RIF1: variants seen among roughly 807,000 people sequenced by gnomAD.
The protein encoded by RIF1 is replication timing regulatory factor 1.
A neutral mutation model predicts 247.1 loss-of-function variants in RIF1; 45 were observed. That is an observed-to-expected ratio of 0.18 (90% CI 0.14 to 0.23). The LOEUF (loss-of-function observed/expected upper bound fraction) is 0.23. Ranked by LOEUF, RIF1 falls within the 10% of genes least tolerant of loss-of-function variation. The probability of loss-of-function intolerance (pLI) is 1.00; values close to 1 mark genes in which losing one functional copy is unlikely to be tolerated. For missense variants in RIF1, 2,967 were observed against 2,862.5 expected, an observed-to-expected ratio of 1.04 and a Z score of -0.83; for synonymous variants, 1,087 against 978.8, an observed-to-expected ratio of 1.11 and a Z score of -2.06.
chr2:151,483,835 G>A (rs1161267869), downstream of RIF1, among the ~76,000 whole-genome samples: 2 of 152,036 alleles, frequency 1.3e-5, no homozygotes, highest in Admixed American at 1.3e-4. Flanking sequence ...TTCATGAACT[G>A]CACATGCGAG....
chr2:151,494,429 A>T (rs556377694), intron 9 of RIF1, among the ~76,000 whole-genome samples: 1 of 152,180 alleles, frequency 6.6e-6, no homozygotes, highest in Non-Finnish European at 1.5e-5. Flanking sequence ...ACAGCAAGAC[A>T]CAACCAGGAT....
Position 151,445,321 on chromosome 2 carries a change from T to A in RIF1, c.1987-17T>A. 1 of 1,380,728 alleles carries A rather than the reference T, an allele frequency of 7.2e-7. No homozygotes were observed. Among genetic ancestry groups the A allele is most frequent in the South Asian group, 1.2e-5 (1 of 86,238 alleles). 85.5% of individuals were successfully genotyped at this position (1,380,728 alleles called of 1,614,324 possible). ...AAGATGGTAATTTGTCTAACTTCAT[T>A]ATTTTTCTTGTTTTAGACCAATGAA... is the stretch of plus-strand genomic sequence containing the variant. On this transcript the variant is annotated splice_polypyrimidine_tract_variant and intron_variant, in intron 18 of 35. Transcript: ENST00000444746.
At chr2:151,514,902 C>T in the RIF1 span, 1 of 1,577,582 alleles carries the variant, frequency 6.3e-7, no homozygotes. Flanking sequence ...CTTTAATGGA[C>T]TCTTCATAAT....
chr2:151,425,984 T>C (rs1007534086), intron 8 of RIF1, among the ~76,000 whole-genome samples: 3 of 151,360 alleles, frequency 2.0e-5, no homozygotes, highest in East Asian at 3.9e-4. Context: ...TGGCCTGTGG[T>C]ACCCTTTTGA....
chr2:151,437,418 C>T (rs1691438141), intron 13 of RIF1, 67 bp downstream of exon 13: 2 of 1,184,298 alleles, frequency 1.7e-6, no homozygotes, highest in Non-Finnish European at 2.5e-6. Flanking sequence ...AGGCCAGTCA[C>T]AGTACCTCAC....
Position 151,468,117 on chromosome 2 carries a change from G to A in RIF1, c.6718G>A (p.Val2240Ile), listed in dbSNP as rs1224717115. 3 of 1,613,066 alleles carry A rather than the reference G, an allele frequency of 1.9e-6. No individual in the cohort carries two copies. The highest frequency in any genetic ancestry group is 2.5e-6 in the Non-Finnish European group (3 of 1,179,464). ...SSNSSPIGKS[V>I]KTSPTTQSKH... ...CAATAGTTCTCCCATAGGAAAAAGT[G>A]TTAAAACTTCTCCTACTACACAATC... Residue 2240 changes from valine (V) to isoleucine (I), a missense_variant, in exon 31 of 36, where the codon GTT (valine) becomes ATT (isoleucine). By Grantham distance (29) the Val-to-Ile change is conservative (BLOSUM62 3). Around this residue, in one of 7 missense-constraint regions of RIF1, gnomAD observed 2,028 missense variants for 1,825.6 expected, o/e 1.11. Coordinates refer to ENST00000444746, the MANE Select transcript of RIF1 (RefSeq NM_018151.5).
intron 4 of RIF1, among the ~76,000 whole-genome samples, chr2:151,415,477 C>G (rs546058734): frequency 6.8e-6 from 1 of 147,738 alleles, no homozygotes; most frequent in African/African-American, 2.5e-5. Context: ...GCCTGTAGTC[C>G]CATCTGCTGG....
chr2:151,493,115 T>C (rs549777377), intron 9 of RIF1: 1 of 445,034 alleles, frequency 2.2e-6, no homozygotes, highest in South Asian at 3.3e-5. Context: ...ATTAACTTGT[T>C]ATGTTTAGTA....
chr2:151,411,394 T>TG lies in RIF1; in HGVS notation c.183+58dup. The TG allele has an allele frequency of 3.2e-6, 4 of 1,230,872 alleles. No homozygotes were observed. In the South Asian group the frequency reaches 5.3e-5, roughly 16 times the overall value. The allele number at this position is 1,230,872 out of a possible 1,614,324, so 76.2% of individuals were successfully genotyped here. On this transcript the variant is annotated intron_variant, in intron 3 of 35. Coordinates refer to ENST00000444746, the MANE Select transcript of RIF1 (RefSeq NM_018151.5). ...CTTTTGGTAGTTTGGTTTTTTTTTTTGGTTTTGTTTTTTTGTTTTGAGGTG... is the reference window on the plus strand; with the variant it reads ...CTTTTGGTAGTTTGGTTTTTTTTTTTGGGTTTTGTTTTTTTGTTTTGAGGTG...
rs1697347270 is a variant in RIF1 at position 151,468,775 on chromosome 2, T to TG, written c.6941+19_6941+20insG. 2 of 1,516,422 alleles carry TG rather than the reference T, an allele frequency of 1.3e-6. No individual in the cohort carries two copies. Among genetic ancestry groups the TG allele is most frequent in the Admixed American group, 3.3e-5 (2 of 59,736 alleles). 93.9% of individuals were successfully genotyped at this position (1,516,422 alleles called of 1,614,324 possible). ...ACATGTGGTAAGTGGTTATTTAGGCTTCTTGCTTATATTCCAAGATGCCAC... is the reference window on the plus strand; with the variant it reads ...ACATGTGGTAAGTGGTTATTTAGGCTGTCTTGCTTATATTCCAAGATGCCAC... On this transcript the variant is annotated intron_variant, in intron 33 of 35. Transcript: ENST00000444746.
In RIF1 at chr2:151,465,387, C is replaced by T; in HGVS notation, c.5867C>T (p.Thr1956Ile). The T allele has an allele frequency of 6.2e-7, 1 of 1,613,724 alleles. No individual in the cohort carries two copies. The highest frequency in any genetic ancestry group is 8.5e-7 in the Non-Finnish European group (1 of 1,179,828). ...AGAAATGATGACTCTGAAGCAGACA[C>T]AGCTAAACTGAATGCCAAAGAAGTA... The part of the protein sequence containing the change: ...NKRNDDSEAD[T>I]AKLNAKEVAT... Residue 1956 changes from threonine (T) to isoleucine (I), a missense_variant, in exon 30 of 36, where the codon ACA becomes ATA. By Grantham distance (89) the Thr-to-Ile change is moderately conservative (BLOSUM62 -1). This residue lies in a region of RIF1 where 2,028 missense variants were observed against 1,825.6 expected (regional missense o/e 1.11). Transcript: ENST00000444746.
At chr2:151,424,045 A>G (rs1401941847) in intron 8 of RIF1, among the ~76,000 whole-genome samples, 1 of 152,158 alleles carries the variant, frequency 6.6e-6, no homozygotes, top group Non-Finnish European at 1.5e-5. Flanking sequence ...GTACCTCATA[A>G]AAGTGAAATT....
intron 3 of RIF1, among the ~76,000 whole-genome samples, chr2:151,414,298 AAAT>A (rs1368978067): frequency 1.4e-5 from 2 of 145,460 alleles, no homozygotes; most frequent in African/African-American, 2.6e-5. Flanking sequence ...AAAAAAAAAA[AAAT>A]TTCTAGATTG....
At chr2:151,505,906 T>C (rs2068496473) in intron 12 of RIF1, 1 of 555,696 alleles carries the variant, frequency 1.8e-6, no homozygotes, top group South Asian at 2.3e-5. Flanking sequence ...TCCAGGAAGG[T>C]TGGTTCTTTG....
chr2:151,493,654 C>A, intron 9 of RIF1: 1 of 877,638 alleles, frequency 1.1e-6, no homozygotes, highest in Admixed American at 2.8e-5. Flanking sequence ...TTTAAGTGGA[C>A]AAGGAAGAAT....
intron 7 of RIF1, among the ~76,000 whole-genome samples, chr2:151,420,767 A>T (rs1023271859): frequency 6.6e-6 from 1 of 151,382 alleles, no homozygotes; most frequent in African/African-American, 2.4e-5. Flanking sequence ...CTGTCTGGGC[A>T]TATTGGTATA....
chr2:151,489,887 A>G (rs6733688), intron 9 of RIF1: 7 of 1,023,712 alleles, frequency 6.8e-6, no homozygotes, highest in Non-Finnish European at 8.9e-6. Context: ...GTTAAAAAAA[A>G]CCGTAATACC....
chr2:151,442,048 T>TTTTTATTTTATTTTATTTTATATTA, intron 16 of RIF1, 57 bp downstream of exon 16: 2 of 237,718 alleles, frequency 8.4e-6, no homozygotes, highest in Non-Finnish European at 1.7e-5. Context: ...ATACTTCCCT[T>TTTTTATTTTATTTTATTTTATATTA]TTTTATTTTA....
chr2:151,435,379 T>A, intron 10 of RIF1, 84 bp from the exon 11 acceptor site: 1 of 790,096 alleles, frequency 1.3e-6, no homozygotes, highest in Non-Finnish European at 2.1e-6. Context: ...AAGGCTCCAT[T>A]TAATGAAATT....
Sources: allele counts gnomAD v4.1 joint callset (sites outside exome capture counted in the v4.1 genomes callset), GRCh38; gene constraint gnomAD v4.1.1; regional missense constraint gnomAD v4.1.1; transcripts MANE v1.5; gene names NCBI Gene and HGNC (gene_info 2026-07-23, HGNC 2026-07-21).